UNC5B: variants seen among roughly 807,000 people sequenced by gnomAD.
UNC5B encodes unc-5 netrin receptor B.
UNC5B carries 56 observed loss-of-function variants against 103.7 expected under a neutral mutation model. The ratio of observed to expected loss-of-function variants is 0.54; its 90% CI spans 0.44 to 0.67. The LOEUF (loss-of-function observed/expected upper bound fraction) is 0.67. Ranked by LOEUF, UNC5B falls within the 30% of genes least tolerant of loss-of-function variation. The probability of loss-of-function intolerance (pLI) is 0.00; values close to 1 mark genes in which losing one functional copy is unlikely to be tolerated. For missense variants in UNC5B, 1,194 were observed against 1,284.5 expected, an observed-to-expected ratio of 0.93 and a Z score of 1.08; for synonymous variants, 577 against 542.0, an observed-to-expected ratio of 1.06 and a Z score of -0.90.
chr10:71,212,849 C>T lies in UNC5B; in HGVS notation c.-137C>T. 6.1e-6 allele frequency: 4 copies of T among 660,958 alleles called. No homozygotes were observed. Among genetic ancestry groups the T allele is most frequent in the Non-Finnish European group, 8.5e-6 (4 of 470,074 alleles). 40.9% of individuals were successfully genotyped at this position (660,958 alleles called of 1,614,324 possible). The stretch of plus-strand genomic sequence containing the variant: ...CGCAGCGTGGCTTCCGCTGCCCCCA[C>T]GGAAGGCACGGGCTGGCGCTGCCGG... On this transcript the variant is annotated 5_prime_UTR_variant, in exon 1 of 17. It adds an upstream start codon to the 5' untranslated region. Coordinates refer to ENST00000335350, the MANE Select transcript of UNC5B (RefSeq NM_170744.5).
chr10:71,293,883 G>T lies in UNC5B; in HGVS notation c.2125G>T (p.Glu709Ter). Residue 709 changes from glutamate (E) to a stop codon, truncating the protein, a stop_gained, in exon 13 of 17, where the codon GAG (glutamate) becomes TAG (stop). Coordinates refer to ENST00000335350, the MANE Select transcript of UNC5B (RefSeq NM_170744.5). LOFTEE classifies it high-confidence loss of function. ...CGCCCCCGCCCTCTGCACCTCCCTG[G>T]AGTACAGCCTCCGGGTCTACTGCCT... ...VFAPALCTSL[E>*]YSLRVYCLED... 6.2e-7 allele frequency: 1 copy of T among 1,606,768 alleles called. No individual in the cohort carries two copies. The highest frequency in any genetic ancestry group is 8.5e-7 in the Non-Finnish European group (1 of 1,179,740).
At chr10:71,271,986 C>T (rs1844657002) in intron 1 of UNC5B, among the ~76,000 whole-genome samples, 1 of 152,122 alleles carries the variant, frequency 6.6e-6, no homozygotes, top group Non-Finnish European at 1.5e-5. Context: ...GGGGCCCCTG[C>T]CTGAACCCCA....
chr10:71,274,030 A>G (rs1041193786), intron 1 of UNC5B, among the ~76,000 whole-genome samples: 1 of 152,208 alleles, frequency 6.6e-6, no homozygotes, highest in Non-Finnish European at 1.5e-5. Flanking sequence ...TGGGAAGTGC[A>G]CTGTTTAGTT....
intron 1 of UNC5B, among the ~76,000 whole-genome samples, chr10:71,238,161 T>G (rs1465969085): frequency 6.6e-6 from 1 of 152,108 alleles, no homozygotes; most frequent in Non-Finnish European, 1.5e-5. Context: ...CTGCCCTGGG[T>G]GGAAAGCCCG....
At chr10:71,228,759 C>A (rs947815145) in intron 1 of UNC5B, among the ~76,000 whole-genome samples, 3 of 152,260 alleles carry the variant, frequency 2.0e-5, no homozygotes, top group Non-Finnish European at 4.4e-5. Context: ...GGGGCCTCCT[C>A]TGTGCCCACC....
chr10:71,230,520 C>T (rs1011785401), intron 1 of UNC5B, among the ~76,000 whole-genome samples: 2 of 152,356 alleles, frequency 1.3e-5, no homozygotes, highest in East Asian at 3.9e-4. Context: ...TGGGGAGGGA[C>T]ATTCCAAAGA....
intron 1 of UNC5B, among the ~76,000 whole-genome samples, chr10:71,249,795 C>G (rs111602759): frequency 3.4e-4 from 52 of 152,302 alleles, no homozygotes; most frequent in African/African-American, 1.1e-3. Flanking sequence ...GGGCATGGAA[C>G]AGATAGGTTA....
chr10:71,225,895 G>A (rs1451619907), intron 1 of UNC5B, among the ~76,000 whole-genome samples: 1 of 131,182 alleles, frequency 7.6e-6, no homozygotes, highest in African/African-American at 2.5e-5. Flanking sequence ...AGCACACCTG[G>A]CTGGCCACAC....
At chr10:71,248,716 A>C (rs1844100048) in intron 1 of UNC5B, among the ~76,000 whole-genome samples, 1 of 152,076 alleles carries the variant, frequency 6.6e-6, no homozygotes. Flanking sequence ...CTAGGCATGC[A>C]CTTTTACACA....
Position 71,293,420 on chromosome 10 carries a change from G to C in UNC5B, c.1788G>C (p.Gly596=), listed in dbSNP as rs780084020. The C allele has an allele frequency of 4.3e-6, 7 of 1,613,556 alleles. No individual in the cohort carries two copies. The highest frequency in any genetic ancestry group is 4.5e-5 in the East Asian group (2 of 44,862). The part of the protein sequence containing the change: ...KAESTLPLSE[G]TQTVLSPSVT... The stretch of plus-strand genomic sequence containing the variant: ...CCTCCTCCAGCCCGCTTTCAGAAGG[G>C]ACCCAGACAGTATTGAGCCCCTCGG... Residue 596 remains glycine, a synonymous_variant, in exon 12 of 17, where the codon GGG becomes GGC. Transcript: ENST00000335350.
At chr10:71,220,283 G>C (rs1843427670) in intron 1 of UNC5B, among the ~76,000 whole-genome samples, 1 of 152,208 alleles carries the variant, frequency 6.6e-6, no homozygotes, top group African/African-American at 2.4e-5. Flanking sequence ...TCATATTGGG[G>C]GTGGAGACAT....
At chr10:71,255,863 G>A (rs1844278569) in intron 1 of UNC5B, among the ~76,000 whole-genome samples, 1 of 152,192 alleles carries the variant, frequency 6.6e-6, no homozygotes, top group Admixed American at 6.5e-5. Context: ...ACAACAAAAG[G>A]CAAGAGCATA....
In UNC5B at chr10:71,258,341, T is replaced by C. The variant is rs1244694962; in HGVS notation, c.80-21480T>C. On this transcript the variant is annotated intron_variant, in intron 1 of 16. Transcript: ENST00000335350. Reference sequence around the variant, plus strand: ...GAATCTGTATTGCCTCAGGCTTGTCTCTGCCCACCTGCTGGCCAAGTCCAG... The same window carrying C: ...GAATCTGTATTGCCTCAGGCTTGTCCCTGCCCACCTGCTGGCCAAGTCCAG... Among the ~76,000 whole-genome samples the C allele has an allele frequency of 3.9e-5, 6 of 152,170 alleles. No individual in the cohort carries two copies. In the East Asian group the frequency reaches 1.2e-3, roughly 29 times the overall value.
chr10:71,267,717 C>T (rs1031522079), intron 1 of UNC5B, among the ~76,000 whole-genome samples: 4 of 152,210 alleles, frequency 2.6e-5, no homozygotes, highest in African/African-American at 7.2e-5. Flanking sequence ...AGTGCTTGCT[C>T]ACCATCTGCC....
chr10:71,232,447 T>C (rs904747953), intron 1 of UNC5B, among the ~76,000 whole-genome samples: 3 of 152,256 alleles, frequency 2.0e-5, no homozygotes, highest in Non-Finnish European at 4.4e-5. Flanking sequence ...GAACCTGAGC[T>C]GGTGGCCCAG....
Position 71,293,470 on chromosome 10 carries a change from T to G in UNC5B, c.1838T>G (p.Leu613Arg). The G allele has an allele frequency of 6.2e-7, 1 of 1,614,114 alleles. No homozygotes were observed. Among genetic ancestry groups the G allele is most frequent in the South Asian group, 1.1e-5 (1 of 91,078 alleles). ...GTGACCTGTGGACCCACAGGCCTCC[T>G]GCTGTGCCGCCCCGTCATCCTCACC... ...PSVTCGPTGL[L>R]LCRPVILTMP... is the part of the protein sequence containing the mutation. Residue 613 changes from leucine (L) to arginine (R), a missense_variant, in exon 12 of 17, where the codon CTG (leucine) becomes CGG (arginine). By Grantham distance (102) the Leu-to-Arg change is moderately radical. Coordinates refer to ENST00000335350, the MANE Select transcript of UNC5B (RefSeq NM_170744.5).
At chr10:71,298,320 C>T (rs1039436452) in intron 16 of UNC5B, among the ~76,000 whole-genome samples, 4 of 152,240 alleles carry the variant, frequency 2.6e-5, no homozygotes, top group African/African-American at 9.6e-5. Context: ...GGCAGACTCT[C>T]AGACCCTGCT....
rs74620331 is a variant in UNC5B at position 71,265,562 on chromosome 10, C to A, written c.80-14259C>A. 9.4e-3 allele frequency among the ~76,000 whole-genome samples: 1,439 copies of A among 152,294 alleles called. 42 individuals carry two copies. Among genetic ancestry groups the A allele is most frequent in the East Asian group, 0.08 (414 of 5,186 alleles). ...TCTGGTGATGTGGCGATCCCCAGAC[C>A]CTGGGCTCATGGGGGCTTCAGCTGC... On this transcript the variant is annotated intron_variant, in intron 1 of 16. Coordinates refer to ENST00000335350, the MANE Select transcript of UNC5B (RefSeq NM_170744.5).
At chr10:71,249,666 C>T (rs1017415714) in intron 1 of UNC5B, among the ~76,000 whole-genome samples, 1 of 152,208 alleles carries the variant, frequency 6.6e-6, no homozygotes, top group African/African-American at 2.4e-5. Context: ...CCTCATCTCT[C>T]TCCCACAGCC....
Sources: gnomAD v4.1 joint callset for allele counts (sites outside exome capture counted in the v4.1 genomes callset) on GRCh38, gnomAD v4.1.1 for gene constraint, MANE v1.5 for transcripts, NCBI Gene and HGNC (gene_info 2026-07-23, HGNC 2026-07-21) for gene names.